Variants in MARCHF1 observed in about 807,000 individuals in gnomAD.
MARCHF1 encodes E3 ubiquitin-protein ligase MARCHF1.
Under a neutral mutation model 54.2 loss-of-function variants are expected in MARCHF1, and 40 were observed. The observed-to-expected ratio is 0.74, with a 90% confidence interval of 0.57 to 0.96. The LOEUF is 0.96. MARCHF1 is among the 40% of genes least tolerant of loss of function. The probability of loss-of-function intolerance (pLI) is 0.00; values close to 1 mark genes in which losing one functional copy is unlikely to be tolerated. For synonymous variants in MARCHF1, 236 were observed against 236.3 expected, an observed-to-expected ratio of 1.00 and a Z score of 0.01; for missense variants, 586 against 656.5, an observed-to-expected ratio of 0.89 and a Z score of 1.17.
At chr4:163,703,585 T>G (rs933220245) in intron 4 of MARCHF1, among the ~76,000 whole-genome samples, 2 of 152,056 alleles carry the variant, frequency 1.3e-5, no homozygotes, top group Non-Finnish European at 2.9e-5. Context: ...CTAACATAAC[T>G]TACTGGCACC....
At chr4:164,121,924 A>C (rs1756075372) in intron 1 of MARCHF1, among the ~76,000 whole-genome samples, 1 of 152,156 alleles carries the variant, frequency 6.6e-6, no homozygotes, top group Admixed American at 6.6e-5. Context: ...TCTCTGATGA[A>C]TATTGATGCA....
intron 2 of MARCHF1, among the ~76,000 whole-genome samples, chr4:164,013,434 C>T (rs1175761817): frequency 2.6e-5 from 4 of 151,862 alleles, no homozygotes; most frequent in Non-Finnish European, 4.4e-5. Context: ...CAAATATAGG[C>T]GTTATTGGCC....
chr4:164,142,570 C>T (rs1425157400), intron 1 of MARCHF1, among the ~76,000 whole-genome samples: 1 of 152,282 alleles, frequency 6.6e-6, no homozygotes, highest in East Asian at 1.9e-4. Flanking sequence ...ACACTGACAC[C>T]TCACACAGCC....
chr4:163,960,968 C>T (rs1286418655), intron 3 of MARCHF1, among the ~76,000 whole-genome samples: 1 of 151,858 alleles, frequency 6.6e-6, no homozygotes, highest in Non-Finnish European at 1.5e-5. Flanking sequence ...TCACTGTGAC[C>T]TCACATGAGT....
intron 1 of MARCHF1, among the ~76,000 whole-genome samples, chr4:164,357,902 C>T (rs1455304989): frequency 6.6e-6 from 1 of 152,010 alleles, no homozygotes; most frequent in Non-Finnish European, 1.5e-5. Flanking sequence ...CAATCATTTT[C>T]TAGAAAGAAA....
intron 4 of MARCHF1, among the ~76,000 whole-genome samples, chr4:163,768,538 T>C (rs1437175389): frequency 6.6e-6 from 1 of 152,184 alleles, no homozygotes; most frequent in African/African-American, 2.4e-5. Context: ...TTGCACTGAA[T>C]GAAAAGTCAT....
At chr4:164,188,403 C>T (rs1463475006) in intron 1 of MARCHF1, 3 of 523,844 alleles carry the variant, frequency 5.7e-6, no homozygotes, top group African/African-American at 1.9e-5. Context: ...TCCCTGGTGG[C>T]GGCGATGCTG....
At chr4:164,162,439 A>G (rs577071661) in intron 1 of MARCHF1, among the ~76,000 whole-genome samples, 47 of 152,248 alleles carry the variant, frequency 3.1e-4, no homozygotes, top group African/African-American at 1.1e-3. Flanking sequence ...GGCAGCTGTG[A>G]GGAAAGAGCT....
intron 1 of MARCHF1, among the ~76,000 whole-genome samples, chr4:164,208,712 C>T (rs888291042): frequency 3.3e-5 from 5 of 152,068 alleles, no homozygotes; most frequent in African/African-American, 1.2e-4. Flanking sequence ...TTAAAAGCTG[C>T]CTTGTGGGAA....
chr4:164,114,015 ACAT>A (rs1392936143), intron 1 of MARCHF1, among the ~76,000 whole-genome samples: 3 of 152,140 alleles, frequency 2.0e-5, no homozygotes, highest in African/African-American at 7.2e-5. Flanking sequence ...GGGTCAAAAA[ACAT>A]CATTCCACTG....
chr4:163,992,584 G>C (rs1302884324), intron 2 of MARCHF1, among the ~76,000 whole-genome samples: 1 of 151,648 alleles, frequency 6.6e-6, no homozygotes, highest in Non-Finnish European at 1.5e-5. Context: ...GAGAGTTCAG[G>C]ATGCTATTTT....
rs1367492961 is a variant in MARCHF1 at position 164,176,964 on chromosome 4, C to CCATATATATATA, written c.-322-65303_-322-65302insTATATATATATG. Among the ~76,000 whole-genome samples the CCATATATATATA allele has an allele frequency of 4.2e-4, 20 of 47,710 alleles. 5 individuals are homozygous for CCATATATATATA. Among genetic ancestry groups the CCATATATATATA allele is most frequent in the Non-Finnish European group, 5.5e-4 (15 of 27,402 alleles). 31.3% of individuals were successfully genotyped at this position (47,710 alleles called of 152,430 possible). A position where few individuals can be genotyped will look rare whatever the true frequency, so the allele number is the denominator to read the frequency against. On this transcript the variant is annotated intron_variant, in intron 1 of 9. Coordinates refer to ENST00000514618, the MANE Select transcript of MARCHF1 (RefSeq NM_001394959.1). ...GCGCTCTCTCTCTCTCTCTCTCTCT[C>CCATATATATATA]TCTCTCTCTCTCTCTCTATATATAT...
chr4:164,126,616 C>G (rs1486606061), intron 1 of MARCHF1, among the ~76,000 whole-genome samples: 1 of 152,086 alleles, frequency 6.6e-6, no homozygotes, highest in Non-Finnish European at 1.5e-5. Flanking sequence ...CTACCTTGCT[C>G]TGAATAGATT....
At chr4:164,247,939 T>G (rs1199525896) in intron 1 of MARCHF1, among the ~76,000 whole-genome samples, 1 of 151,368 alleles carries the variant, frequency 6.6e-6, no homozygotes, top group East Asian at 1.9e-4. Flanking sequence ...AGCTTGGGAA[T>G]GTGAGATGTT....
intron 3 of MARCHF1, among the ~76,000 whole-genome samples, chr4:163,873,075 ACAAAC>A (rs1288368227): frequency 3.5e-5 from 5 of 144,708 alleles, no homozygotes; most frequent in Admixed American, 3.4e-4. Flanking sequence ...ACAAAAAAAA[ACAAAC>A]AAACAAACAA....
At chr4:164,031,810 T>G (rs1753883534) in intron 2 of MARCHF1, among the ~76,000 whole-genome samples, 1 of 152,180 alleles carries the variant, frequency 6.6e-6, no homozygotes, top group Admixed American at 6.5e-5. Flanking sequence ...GTTATGTCTC[T>G]GTCAGGTTTT....
In MARCHF1 at chr4:163,733,209, A is replaced by G. The variant is rs1311618054; in HGVS notation, c.112-32346T>C. Among the ~76,000 whole-genome samples, 8 of 35,742 alleles carry G rather than the reference A, an allele frequency of 2.2e-4. 1 individual carries two copies. The highest frequency in any genetic ancestry group is 1.3e-3 in the South Asian group (1 of 746). The allele number at this position is 35,742 out of a possible 152,430, so 23.4% of individuals were successfully genotyped here. A position where few individuals can be genotyped will look rare whatever the true frequency, so the allele number is the denominator to read the frequency against. On this transcript the variant is annotated intron_variant, in intron 4 of 9. Coordinates refer to ENST00000514618, the MANE Select transcript of MARCHF1 (RefSeq NM_001394959.1). ...TATATATATATATATATATATATAT[A>G]TATATATATATACACGTGTATATAT...
intron 3 of MARCHF1, among the ~76,000 whole-genome samples, chr4:163,979,275 G>GT (rs1185884561): frequency 7.6e-6 from 1 of 131,782 alleles, no homozygotes; most frequent in African/African-American, 2.9e-5. Context: ...GCGGTGTTTG[G>GT]TTTTTTGTTC....
intron 3 of MARCHF1, among the ~76,000 whole-genome samples, chr4:163,960,884 C>A (rs926430912): frequency 6.6e-6 from 1 of 151,362 alleles, no homozygotes; most frequent in Non-Finnish European, 1.5e-5. Context: ...AGGGACTAGA[C>A]GTCCAAAATC....
Sources: gnomAD v4.1 joint callset for allele counts (sites outside exome capture counted in the v4.1 genomes callset) on GRCh38, gnomAD v4.1.1 for gene constraint, MANE v1.5 for transcripts, NCBI Gene and HGNC (gene_info 2026-07-23, HGNC 2026-07-21) for gene names.